CD36: variants seen among roughly 807,000 people sequenced by gnomAD.
The protein encoded by CD36 is CD36 molecule (CD36 blood group).
Under a neutral mutation model 55.2 loss-of-function variants are expected in CD36, and 119 were observed. The ratio of observed to expected loss-of-function variants is 2.15; its 90% CI spans 1.86 to 2.51. The LOEUF (loss-of-function observed/expected upper bound fraction) is 2.51. Among genes scored for constraint, CD36 ranks in the 30% most tolerant of loss-of-function variants. The probability of loss-of-function intolerance (pLI) is 0.00; values close to 1 mark genes in which losing one functional copy is unlikely to be tolerated. For synonymous variants in CD36, 186 were observed against 193.6 expected, an observed-to-expected ratio of 0.96 and a Z score of 0.33; for missense variants, 819 against 555.5, an observed-to-expected ratio of 1.47 and a Z score of -4.77.
At chr7:80,672,102 A>T (rs1797739835) in intron 11 of CD36, 62 bp downstream of exon 11, 2 of 1,282,822 alleles carry the variant, frequency 1.6e-6, no homozygotes, top group Non-Finnish European at 2.2e-6. Context: ...TTGAAATAAA[A>T]ATAATCTTGT....
At chr7:80,644,067 A>G (rs1794987514) in intron 1 of CD36, among the ~76,000 whole-genome samples, 1 of 152,208 alleles carries the variant, frequency 6.6e-6, no homozygotes, top group Admixed American at 6.5e-5. Context: ...GATGGTTTCA[A>G]GAAAAGTTTC....
Position 80,674,114 on chromosome 7 carries a change from A to G in CD36, c.1386A>G (p.Ser462=). The change falls in exon 14 of 15, where the codon TCA becomes TCG. Residue 462 remains serine, a synonymous_variant. Transcript: ENST00000447544. ...GVVMFVAFMI[S]YCACRSKTIK is the part of the protein sequence containing the mutation. ...TGATGTTTGTTGCTTTTATGATTTCATATTGTGCATGCAGATCGAAAACAA... is the reference window on the plus strand; with the variant it reads ...TGATGTTTGTTGCTTTTATGATTTCGTATTGTGCATGCAGATCGAAAACAA... 1.9e-6 allele frequency: 3 copies of G among 1,612,328 alleles called. No homozygotes were observed. Among genetic ancestry groups the G allele is most frequent in the South Asian group, 1.1e-5 (1 of 91,014 alleles).
chr7:80,609,131 A>C (rs1792732708), intron 1 of CD36, among the ~76,000 whole-genome samples: 1 of 152,158 alleles, frequency 6.6e-6, no homozygotes, highest in Non-Finnish European at 1.5e-5. Context: ...AATTCCAGGT[A>C]ATCAAGGCAC....
At chr7:80,635,946 G>A (rs1794368857), upstream of CD36, among the ~76,000 whole-genome samples, 1 of 152,004 alleles carries the variant, frequency 6.6e-6, no homozygotes, top group South Asian at 2.1e-4. Flanking sequence ...TGTACTATAG[G>A]GGTTCAGTGG....
chr7:80,670,312 C>T (rs1272942332), intron 9 of CD36: 1 of 410,396 alleles, frequency 2.4e-6, no homozygotes, highest in African/African-American at 2.0e-5. Context: ...GAAGATGATG[C>T]AAATGTAACA....
At chr7:80,634,930 A>C (rs973999051), upstream of CD36, among the ~76,000 whole-genome samples, 1 of 152,172 alleles carries the variant, frequency 6.6e-6, no homozygotes, top group Non-Finnish European at 1.5e-5. Flanking sequence ...CAAACAGAAA[A>C]GTAAAAATTG....
At chr7:80,611,326 G>A (rs1429596959) in intron 1 of CD36, among the ~76,000 whole-genome samples, 2 of 152,002 alleles carry the variant, frequency 1.3e-5, no homozygotes, top group Admixed American at 1.3e-4. Context: ...CCTCAAAATC[G>A]TCGTCCCGTG....
chr7:80,675,962 T>TGAGGGTTGA (rs3044712), intron 14 of CD36: 58,525 of 151,688 alleles, frequency 0.39, 11,652 homozygotes, highest in South Asian at 0.45. Context: ...GTGCTTGTCT[T>TGAGGGTTGA]GAAGCACCCT....
chr7:80,644,183 C>G (rs1794995627), intron 1 of CD36, among the ~76,000 whole-genome samples: 1 of 152,138 alleles, frequency 6.6e-6, no homozygotes, highest in Admixed American at 6.6e-5. Context: ...CAGCCATGGA[C>G]AAAGCCATAT....
At chr7:80,635,821 C>T (rs553929390), upstream of CD36, among the ~76,000 whole-genome samples, 6 of 152,196 alleles carry the variant, frequency 3.9e-5, no homozygotes, top group Admixed American at 3.3e-4. Flanking sequence ...TATGAAGAAG[C>T]AGCATAATAG....
At chr7:80,606,858 G>A (rs954813436) in intron 1 of CD36, among the ~76,000 whole-genome samples, 2 of 152,108 alleles carry the variant, frequency 1.3e-5, no homozygotes, top group Non-Finnish European at 2.9e-5. Context: ...TAAAAGTACA[G>A]GCATCACCCA....
chr7:80,625,381 T>C (rs1478444588), intron 1 of CD36, among the ~76,000 whole-genome samples: 1 of 152,192 alleles, frequency 6.6e-6, no homozygotes, highest in Non-Finnish European at 1.5e-5. Context: ...TTTGTTGTGA[T>C]GATCTAAAAC....
At chr7:80,606,265 G>C (rs1234400435) in intron 1 of CD36, among the ~76,000 whole-genome samples, 2 of 151,356 alleles carry the variant, frequency 1.3e-5, no homozygotes. Context: ...ATAATACGTA[G>C]ATCTGTGCAA....
chr7:80,647,015 C>T lies in CD36; in HGVS notation c.120+155C>T, dbSNP rs1527463. On this transcript the variant is annotated intron_variant, in intron 3 of 14. Transcript: ENST00000447544. ...TGAACCACTGCAACTCTATATGATGCGACTTTATGTGAAATGTTATAAGTA... is the reference window on the plus strand; with the variant it reads ...TGAACCACTGCAACTCTATATGATGTGACTTTATGTGAAATGTTATAAGTA... 711,085 of 728,100 alleles carry T rather than the reference C, an allele frequency of 0.98. 347,315 individuals are homozygous for T. Among genetic ancestry groups the T allele is most frequent in the East Asian group, 1 (35,770 of 35,772 alleles). The allele number at this position is 728,100 out of a possible 1,614,324, so 45.1% of individuals were successfully genotyped here.
intron 3 of CD36, among the ~76,000 whole-genome samples, chr7:80,649,310 A>G (rs3211822): frequency 0.63 from 96,099 of 151,864 alleles, 30,494 homozygotes; most frequent in African/African-American, 0.66. Context: ...CTGGCCTTGT[A>G]TACTACTCTA....
rs1796097712 is a variant in CD36 at position 80,656,579 on chromosome 7, T to A, written c.160T>A (p.Trp54Arg). 6.2e-7 allele frequency: 1 copy of A among 1,613,672 alleles called. No individual in the cohort carries two copies. Among genetic ancestry groups the A allele is most frequent in the African/African-American group, 1.3e-5 (1 of 74,914 alleles). The change falls in exon 4 of 15, where the codon TGG becomes AGG. Residue 54 changes from tryptophan (W) to arginine (R), a missense_variant. Physicochemically the swap from Trp to Arg is moderately radical, Grantham distance 101. Coordinates refer to ENST00000447544, the MANE Select transcript of CD36 (RefSeq NM_001001548.3). ...AGAAGGTACAATTGCTTTTAAAAATTGGGTTAAAACAGGCACAGAAGTTTA... is the reference window on the plus strand; with the variant it reads ...AGAAGGTACAATTGCTTTTAAAAATAGGGTTAAAACAGGCACAGAAGTTTA... ...LEEGTIAFKNWVKTGTEVYRQ... is the reference protein window; with the variant it reads ...LEEGTIAFKNRVKTGTEVYRQ...
chr7:80,607,002 T>C (rs757004383), intron 1 of CD36, among the ~76,000 whole-genome samples: 5 of 152,150 alleles, frequency 3.3e-5, no homozygotes, highest in Admixed American at 6.5e-5. Flanking sequence ...CAAAATTCTA[T>C]ATGGTTTACC....
At chr7:80,642,527 A>G (rs1794890439) in intron 1 of CD36, among the ~76,000 whole-genome samples, 1 of 152,122 alleles carries the variant, frequency 6.6e-6, no homozygotes, top group Admixed American at 6.6e-5. Context: ...CTTACGTAGT[A>G]TGGGTGGTTC....
upstream of CD36, among the ~76,000 whole-genome samples, chr7:80,636,133 G>A (rs1382128636): frequency 1.3e-5 from 2 of 152,030 alleles, no homozygotes; most frequent in South Asian, 2.1e-4. Context: ...GAATTTCTTC[G>A]ATGGTGATAA....
Sources: gnomAD v4.1 joint callset for allele counts (sites outside exome capture counted in the v4.1 genomes callset) on GRCh38, gnomAD v4.1.1 for gene constraint, MANE v1.5 for transcripts, NCBI Gene and HGNC (gene_info 2026-07-23, HGNC 2026-07-21) for gene names.